The following KCNH1 variants were observed in gnomAD, a reference collection of about 807,000 sequenced individuals.
KCNH1 encodes the protein voltage-gated delayed rectifier potassium channel KCNH1.
Under a neutral mutation model 69.2 loss-of-function variants are expected in KCNH1, and 27 were observed. The observed-to-expected ratio is 0.39, with a 90% CI of 0.29 to 0.54. KCNH1 has a LOEUF of 0.54. Among genes scored for constraint, KCNH1 ranks in the 20% least tolerant of loss-of-function variants. KCNH1 has a pLI of 0.68. For missense variants in KCNH1, 798 were observed against 1,261.6 expected, an observed-to-expected ratio of 0.63 and a Z score of 5.57; for synonymous variants, 456 against 487.7, an observed-to-expected ratio of 0.93 and a Z score of 0.86.
At chr1:210,723,808 G>A (rs1211023450) in intron 10 of KCNH1, among the ~76,000 whole-genome samples, 3 of 152,188 alleles carry the variant, frequency 2.0e-5, no homozygotes, top group African/African-American at 7.2e-5. Flanking sequence ...AGGGACACGT[G>A]TGAGTTGAAG....
chr1:211,004,237 C>A (rs147284073), intron 6 of KCNH1, among the ~76,000 whole-genome samples: 3 of 151,904 alleles, frequency 2.0e-5, no homozygotes, highest in African/African-American at 7.3e-5. Flanking sequence ...TAAATAAATG[C>A]TAAAGGGTGT....
intron 10 of KCNH1, among the ~76,000 whole-genome samples, chr1:210,757,440 G>C (rs998714827): frequency 6.6e-6 from 1 of 152,030 alleles, no homozygotes; most frequent in African/African-American, 2.4e-5. Context: ...TATTCCTATG[G>C]CCAGAAAAGG....
chr1:210,786,948 C>T (rs975731419), intron 9 of KCNH1, among the ~76,000 whole-genome samples: 15 of 152,194 alleles, frequency 9.9e-5, no homozygotes, highest in African/African-American at 3.6e-4. Context: ...TCTCAGCATG[C>T]TCCCTGCCTT....
At chr1:211,097,781 C>T (rs1691183789) in intron 3 of KCNH1, among the ~76,000 whole-genome samples, 1 of 152,190 alleles carries the variant, frequency 6.6e-6, no homozygotes, top group Non-Finnish European at 1.5e-5. Context: ...CTGTCAGATG[C>T]CTTTCCCTGG....
intron 6 of KCNH1, among the ~76,000 whole-genome samples, chr1:210,941,471 G>C (rs543374655): frequency 3.9e-5 from 6 of 152,152 alleles, no homozygotes; most frequent in African/African-American, 1.4e-4. Context: ...GGAGTTTGGG[G>C]AGCCTGGTAT....
chr1:210,860,306 G>T, intron 7 of KCNH1: 1 of 1,343,118 alleles, frequency 7.4e-7, no homozygotes, highest in Non-Finnish European at 1.1e-6. Context: ...GTCAGGCTAT[G>T]CGCTAAAGAG....
intron 7 of KCNH1, among the ~76,000 whole-genome samples, chr1:210,895,915 A>G (rs1686856414): frequency 6.6e-6 from 1 of 152,206 alleles, no homozygotes; most frequent in Admixed American, 6.5e-5. Context: ...ATTAACACAG[A>G]CAGATCATCA....
intron 5 of KCNH1, among the ~76,000 whole-genome samples, chr1:211,050,711 T>TG (rs1412056464): frequency 6.6e-6 from 1 of 152,212 alleles, no homozygotes; most frequent in African/African-American, 2.4e-5. Flanking sequence ...GTGGTGAGGC[T>TG]GGGTCACAGA....
intron 6 of KCNH1, among the ~76,000 whole-genome samples, chr1:210,983,758 C>T (rs1413650385): frequency 6.6e-6 from 1 of 152,116 alleles, no homozygotes; most frequent in African/African-American, 2.4e-5. Context: ...GATGCGGGCT[C>T]TTTTTTGGTT....
At chr1:210,959,818 T>C (rs1688259484) in intron 6 of KCNH1, among the ~76,000 whole-genome samples, 1 of 152,202 alleles carries the variant, frequency 6.6e-6, no homozygotes, top group Admixed American at 6.5e-5. Context: ...CTGTCATGGC[T>C]TCCCTTGGCT....
At chr1:210,696,342 C>T (rs1681638644) in intron 10 of KCNH1, among the ~76,000 whole-genome samples, 1 of 152,134 alleles carries the variant, frequency 6.6e-6, no homozygotes, top group African/African-American at 2.4e-5. Context: ...CTGTTTATTT[C>T]CATTATTTCC....
In KCNH1 at chr1:211,130,756, T is replaced by C. The variant is rs1428948223; in HGVS notation, c.79+3111A>G. ...TCTACTAGCTTATGAGGATCAAAGG[T>C]GATACTCTGTGAAAAGTGACTTGGT... On this transcript the variant is annotated intron_variant, in intron 1 of 10. Coordinates refer to ENST00000271751, the MANE Select transcript of KCNH1 (RefSeq NM_172362.3). Among the ~76,000 whole-genome samples, 4 of 152,290 alleles carry C rather than the reference T, an allele frequency of 2.6e-5. No homozygotes were observed. In the East Asian group the frequency reaches 7.7e-4, roughly 29 times the overall value.
intron 7 of KCNH1, among the ~76,000 whole-genome samples, chr1:210,913,895 C>T (rs1424699458): frequency 6.6e-6 from 1 of 152,128 alleles, no homozygotes; most frequent in African/African-American, 2.4e-5. Flanking sequence ...GTGATGTGAA[C>T]AAAAGTGATA....
intron 4 of KCNH1, 120 bp downstream of exon 4, chr1:211,090,442 A>G (rs1352271212): frequency 8.3e-6 from 7 of 839,198 alleles, no homozygotes; most frequent in Middle Eastern, 3.6e-4. Flanking sequence ...TATACAAATT[A>G]AAGTTAGAAT....
intron 7 of KCNH1, among the ~76,000 whole-genome samples, chr1:210,881,108 C>G (rs754485423): frequency 1.8e-4 from 28 of 151,972 alleles, no homozygotes; most frequent in Admixed American, 1.4e-3. Flanking sequence ...ACCTCTGCCT[C>G]CCAGGTTCAA....
chr1:210,732,718 A>G (rs957665849), intron 10 of KCNH1, among the ~76,000 whole-genome samples: 10 of 152,240 alleles, frequency 6.6e-5, no homozygotes, highest in African/African-American at 2.4e-4. Context: ...AGTGTCTGGC[A>G]AGGGCTCTGT....
chr1:210,920,705 A>G (rs538222026), intron 6 of KCNH1, among the ~76,000 whole-genome samples: 1 of 152,292 alleles, frequency 6.6e-6, no homozygotes, highest in Non-Finnish European at 1.5e-5. Flanking sequence ...GTTTTTAAAA[A>G]GCTAAAAATA....
chr1:210,800,163 G>C (rs1054809232), intron 8 of KCNH1, among the ~76,000 whole-genome samples: 1 of 152,194 alleles, frequency 6.6e-6, no homozygotes, highest in Admixed American at 6.5e-5. Context: ...ATGCCCTCTG[G>C]GAGTACAGAC....
chr1:211,103,088 T>C (rs1691290707), intron 3 of KCNH1, among the ~76,000 whole-genome samples: 1 of 152,222 alleles, frequency 6.6e-6, no homozygotes, highest in South Asian at 2.1e-4. Flanking sequence ...AACGCTTAAT[T>C]AGGCACCCAC....
Sources: allele counts gnomAD v4.1 joint callset (sites outside exome capture counted in the v4.1 genomes callset), GRCh38; gene constraint gnomAD v4.1.1; transcripts MANE v1.5; gene names NCBI Gene and HGNC (gene_info 2026-07-23, HGNC 2026-07-21).